Variants in CDKAL1 observed in about 807,000 individuals in gnomAD.
CDKAL1 encodes the protein threonylcarbamoyladenosine tRNA methylthiotransferase.
CDKAL1 carries 32 observed loss-of-function variants against 68.2 expected under a neutral mutation model. The ratio of observed to expected loss-of-function variants is 0.47; its 90% CI spans 0.35 to 0.63. CDKAL1 has a LOEUF of 0.63. CDKAL1 is among the 30% of genes least tolerant of loss of function. The pLI is 0.00. For synonymous variants in CDKAL1, 234 were observed against 244.3 expected (o/e 0.96, Z 0.39); for missense variants, 606 against 696.7 (o/e 0.87, Z 1.47).
intron 12 of CDKAL1, among the ~76,000 whole-genome samples, chr6:21,084,139 A>G (rs780744256): frequency 5.9e-5 from 9 of 152,206 alleles, no homozygotes; most frequent in Non-Finnish European, 1.3e-4. Context: ...GGTTTAGTTC[A>G]CATTTGCAAT....
At chr6:20,585,213 T>C (rs1291511472) in intron 4 of CDKAL1, among the ~76,000 whole-genome samples, 1 of 151,892 alleles carries the variant, frequency 6.6e-6, no homozygotes, top group Non-Finnish European at 1.5e-5. Context: ...CCCACCACCA[T>C]GCTAATTTTT....
chr6:20,619,721 G>A (rs1190373895), intron 4 of CDKAL1, among the ~76,000 whole-genome samples: 1 of 152,156 alleles, frequency 6.6e-6, no homozygotes, highest in African/African-American at 2.4e-5. Flanking sequence ...ACAACCTGCT[G>A]AATCTCATAC....
intron 9 of CDKAL1, among the ~76,000 whole-genome samples, chr6:20,945,314 G>A (rs911730055): frequency 6.6e-6 from 1 of 152,140 alleles, no homozygotes; most frequent in Non-Finnish European, 1.5e-5. Flanking sequence ...GATTAGGGAT[G>A]TTTAGCTGCT....
intron 5 of CDKAL1, among the ~76,000 whole-genome samples, chr6:20,706,050 T>C (rs1771579235): frequency 6.6e-6 from 1 of 152,104 alleles, no homozygotes; most frequent in Non-Finnish European, 1.5e-5. Context: ...GCCAAGGTGA[T>C]GATGAGGGCC....
At chr6:20,789,025 T>C (rs1423056442) in intron 8 of CDKAL1, among the ~76,000 whole-genome samples, 1 of 152,224 alleles carries the variant, frequency 6.6e-6, no homozygotes, top group Non-Finnish European at 1.5e-5. Flanking sequence ...ACCTGGAATA[T>C]AGTTCGAATT....
chr6:21,176,697 T>G lies in CDKAL1; in HGVS notation c.1300-21324T>G, dbSNP rs1386065480. Among the ~76,000 whole-genome samples the G allele has an allele frequency of 2.1e-3, 182 of 85,440 alleles. 2 individuals carry two copies. The East Asian group carries it at 0.043, about 20-fold the overall frequency. The allele number at this position is 85,440 out of a possible 152,430, so 56.1% of individuals were successfully genotyped here. A position where few individuals can be genotyped will look rare whatever the true frequency, so the allele number is the denominator to read the frequency against. Reference sequence around the variant, plus strand: ...CTGGATGTTGGTTTTTTTTTTTTTGTTTTTTTTTTTTTTTTGAGACGGAGT... The same window carrying G: ...CTGGATGTTGGTTTTTTTTTTTTTGGTTTTTTTTTTTTTTTGAGACGGAGT... On this transcript the variant is annotated intron_variant, in intron 13 of 15. Transcript: ENST00000274695.
At chr6:20,704,480 T>C (rs568362333) in intron 5 of CDKAL1, among the ~76,000 whole-genome samples, 1 of 151,878 alleles carries the variant, frequency 6.6e-6, no homozygotes, top group African/African-American at 2.4e-5. Context: ...AAAAAAACAC[T>C]GGGGGAGGAA....
rs145893325 is a variant in CDKAL1 at position 20,721,725 on chromosome 6, G to GTTTTTTTTTTTTTT, written c.372-17782_372-17769dup. ...CTTCTCTGCACCCTGACCAACTTCT[G>GTTTTTTTTTTTTTT]TTTTTTTTTTTTTTTTTTTTTTTTT... On this transcript the variant is annotated intron_variant, in intron 5 of 15. Coordinates refer to ENST00000274695, the MANE Select transcript of CDKAL1 (RefSeq NM_017774.3). Among the ~76,000 whole-genome samples the GTTTTTTTTTTTTTT allele has an allele frequency of 6.5e-4, 44 of 67,374 alleles. 2 individuals carry two copies. Among genetic ancestry groups the GTTTTTTTTTTTTTT allele is most frequent in the Admixed American group, 1.1e-3 (5 of 4,368 alleles). The allele number at this position is 67,374 out of a possible 152,430, so 44.2% of individuals were successfully genotyped here. A position where few individuals can be genotyped will look rare whatever the true frequency, so the allele number is the denominator to read the frequency against.
intron 4 of CDKAL1, among the ~76,000 whole-genome samples, chr6:20,598,283 G>A (rs1419029354): frequency 6.6e-6 from 1 of 152,206 alleles, no homozygotes; most frequent in African/African-American, 2.4e-5. Context: ...ATAATTTGGA[G>A]TCTAGGGAAA....
chr6:21,081,320 C>G (rs987071975), intron 12 of CDKAL1, among the ~76,000 whole-genome samples: 32 of 152,162 alleles, frequency 2.1e-4, no homozygotes, highest in African/African-American at 7.5e-4. Context: ...AAATTTTATC[C>G]TTTGAAAAGT....
At chr6:21,181,482 C>G (rs1161657898) in intron 13 of CDKAL1, among the ~76,000 whole-genome samples, 1 of 152,196 alleles carries the variant, frequency 6.6e-6, no homozygotes, top group Non-Finnish European at 1.5e-5. Flanking sequence ...GCCCTTCTAC[C>G]TTCTGCCATT....
chr6:21,002,575 T>C (rs1242847384), intron 11 of CDKAL1, among the ~76,000 whole-genome samples: 1 of 151,770 alleles, frequency 6.6e-6, no homozygotes, highest in Non-Finnish European at 1.5e-5. Context: ...GTAAGATATA[T>C]TGCAAAACTG....
chr6:21,175,621 C>A (rs957790134), intron 13 of CDKAL1, among the ~76,000 whole-genome samples: 1 of 152,146 alleles, frequency 6.6e-6, no homozygotes, highest in South Asian at 2.1e-4. Context: ...TTATTGTACA[C>A]TGATTTCTCC....
At chr6:20,603,190 C>G (rs916052267) in intron 4 of CDKAL1, among the ~76,000 whole-genome samples, 1 of 152,186 alleles carries the variant, frequency 6.6e-6, no homozygotes, top group Non-Finnish European at 1.5e-5. Flanking sequence ...TGTGCCCTCT[C>G]TGCTGATAAT....
chr6:20,536,307 A>T (rs1763171153), intron 2 of CDKAL1, among the ~76,000 whole-genome samples: 1 of 152,152 alleles, frequency 6.6e-6, no homozygotes, highest in South Asian at 2.1e-4. Flanking sequence ...GCTAAGAAAG[A>T]AGGGCCTACT....
At chr6:21,003,337 C>G (rs114846835) in intron 11 of CDKAL1, among the ~76,000 whole-genome samples, 12,140 of 52,770 alleles carry the variant, frequency 0.23, 1,601 homozygotes, top group African/African-American at 0.43. Flanking sequence ...GAAACCATCT[C>G]TACTAAATAT....
intron 7 of CDKAL1, among the ~76,000 whole-genome samples, chr6:20,780,296 G>C (rs1383561347): frequency 6.6e-6 from 1 of 151,878 alleles, no homozygotes; most frequent in Non-Finnish European, 1.5e-5. Context: ...TCTTAATAGT[G>C]ATCTGATTTC....
chr6:20,930,366 G>A (rs2150671828), intron 9 of CDKAL1, among the ~76,000 whole-genome samples: 1 of 151,964 alleles, frequency 6.6e-6, no homozygotes, highest in East Asian at 1.9e-4. Context: ...TCTGTGCTTG[G>A]GTAGTTCCCA....
intron 11 of CDKAL1, among the ~76,000 whole-genome samples, chr6:21,032,937 G>T (rs997846949): frequency 6.6e-6 from 1 of 152,150 alleles, no homozygotes; most frequent in Non-Finnish European, 1.5e-5. Flanking sequence ...GTAAATATTT[G>T]TTGTTGAAGA....
Sources: gnomAD v4.1 joint callset for allele counts (sites outside exome capture counted in the v4.1 genomes callset) on GRCh38, gnomAD v4.1.1 for gene constraint, MANE v1.5 for transcripts, NCBI Gene and HGNC (gene_info 2026-07-23, HGNC 2026-07-21) for gene names.